Variants in ZBTB17 observed in about 807,000 individuals in gnomAD.
ZBTB17 encodes the protein zinc finger and BTB domain containing 17.
Under a neutral mutation model 85.1 loss-of-function variants are expected in ZBTB17, and 24 were observed. The observed-to-expected ratio is 0.28, with a 90% CI of 0.20 to 0.40. The LOEUF is 0.40. ZBTB17 is among the 10% of genes least tolerant of loss of function. The probability of loss-of-function intolerance (pLI) is 1.00; values close to 1 mark genes in which losing one functional copy is unlikely to be tolerated. For missense variants in ZBTB17, 743 were observed against 1,105.1 expected, an observed-to-expected ratio of 0.67 and a Z score of 4.65; for synonymous variants, 464 against 460.2, an observed-to-expected ratio of 1.01 and a Z score of -0.11.
chr1:15,965,586 T>A (rs957546183), intron 2 of ZBTB17, among the ~76,000 whole-genome samples: 1 of 152,186 alleles, frequency 6.6e-6, no homozygotes, highest in Non-Finnish European at 1.5e-5. Flanking sequence ...CCAGCTGCAG[T>A]CCCTGGAGAG....
intron 3 of ZBTB17, chr1:15,948,050 G>A: frequency 1.7e-6 from 1 of 586,194 alleles, no homozygotes; most frequent in Admixed American, 2.7e-5. Context: ...GTTCACTGCG[G>A]CCTAGAGCTC....
At chr1:15,971,297 TG>T (rs2148816653) in intron 2 of ZBTB17, among the ~76,000 whole-genome samples, 1 of 150,342 alleles carries the variant, frequency 6.7e-6, no homozygotes, top group South Asian at 2.1e-4. Context: ...GGTGGGTGGG[TG>T]GGGGAAATCT....
At chr1:15,975,432 G>A (rs1027976183) in intron 1 of ZBTB17, among the ~76,000 whole-genome samples, 3 of 152,170 alleles carry the variant, frequency 2.0e-5, no homozygotes, top group Non-Finnish European at 4.4e-5. Context: ...GATCGAGTCC[G>A]CCCGCATCAC....
Position 15,953,961 on chromosome 1 carries a change from T to C in ZBTB17, c.-2-5464A>G, listed in dbSNP as rs559716519. The stretch of plus-strand genomic sequence containing the variant: ...AAGTCTTTATCAGATGGTTTCTATA[T>C]ACCCCTTTGCACTGGGCACATGGGG... On this transcript the variant is annotated intron_variant, in intron 2 of 15. Coordinates refer to ENST00000375743, the MANE Select transcript of ZBTB17 (RefSeq NM_003443.3). The surrounding 1 kb of genome is among the most constrained non-coding windows in gnomAD (Gnocchi z 5.1). 3.9e-5 allele frequency among the ~76,000 whole-genome samples: 6 copies of C among 152,346 alleles called. No homozygotes were observed. The South Asian group carries it at 8.3e-4, about 21-fold the overall frequency.
chr1:15,951,597 G>A lies in ZBTB17; in HGVS notation c.-2-3100C>T, dbSNP rs2071844697. Among the ~76,000 whole-genome samples the A allele has an allele frequency of 6.6e-6, 1 of 152,140 alleles. No individual in the cohort carries two copies. The highest frequency in any genetic ancestry group is 2.4e-5 in the African/African-American group (1 of 41,432). On this transcript the variant is annotated intron_variant, in intron 2 of 15. Transcript: ENST00000375743. The surrounding 1 kb of genome is among the most constrained non-coding windows in gnomAD (Gnocchi z 4.1). The stretch of plus-strand genomic sequence containing the variant: ...TTTAACAGCCCCTCTCTCAAGGCCC[G>A]TGGCGAGACGGAGGCATGGCCGGCT...
chr1:15,943,387 A>G lies in ZBTB17; in HGVS notation c.1697+12T>C. ...GGTGTCTGGCCAGTGGGTGTGGGGGAGGGGGCAGGACCTCTTGCCGCAGCG... is the reference window on the plus strand; with the variant it reads ...GGTGTCTGGCCAGTGGGTGTGGGGGGGGGGGCAGGACCTCTTGCCGCAGCG... On this transcript the variant is annotated intron_variant, in intron 12 of 15. Coordinates refer to ENST00000375743, the MANE Select transcript of ZBTB17 (RefSeq NM_003443.3). The G allele has an allele frequency of 1.3e-6, 2 of 1,584,794 alleles. No homozygotes were observed. The highest frequency in any genetic ancestry group is 8.6e-7 in the Non-Finnish European group (1 of 1,164,274).
At chr1:15,949,598 G>C (rs111821603) in intron 2 of ZBTB17, among the ~76,000 whole-genome samples, 1 of 152,306 alleles carries the variant, frequency 6.6e-6, no homozygotes, top group East Asian at 1.9e-4. Context: ...CTGGCTCCCC[G>C]GCTTCTGGGC....
In ZBTB17 at chr1:15,942,682, G is replaced by A. The variant is rs764797017; in HGVS notation, c.1885C>T (p.Leu629=). The A allele has an allele frequency of 1.4e-5, 22 of 1,613,726 alleles. No individual in the cohort carries two copies. The highest frequency in any genetic ancestry group is 1.9e-5 in the Non-Finnish European group (22 of 1,180,038). ...TGCACGGTCTTCACGTGGGAGCGCA[G>A]GTTGTCTACCCGGTTGAAGCCACGC... ...CGRGFNRVDN[L]RSHVKTVHQG... Residue 629 remains leucine (L), a synonymous_variant, in exon 14 of 16, where the codon CTG becomes TTG. Transcript: ENST00000375743.
Position 15,964,456 on chromosome 1 carries a change from G to A in ZBTB17, c.-3+8583C>T, listed in dbSNP as rs1262775453. Among the ~76,000 whole-genome samples, 1 of 152,210 alleles carries A rather than the reference G, an allele frequency of 6.6e-6. No individual in the cohort carries two copies. Among genetic ancestry groups the A allele is most frequent in the African/African-American group, 2.4e-5 (1 of 41,446 alleles). ...AATGGGGCCAGGCAAGATGGCTCAC[G>A]CCTGTAATCCCAACACGTTGGGAGG... is the stretch of plus-strand genomic sequence containing the variant. On this transcript the variant is annotated intron_variant, in intron 2 of 15. Coordinates refer to ENST00000375743, the MANE Select transcript of ZBTB17 (RefSeq NM_003443.3). This position sits in a 1 kb window ranked among gnomAD's most constrained non-coding sequence, Gnocchi z 4.3.
At chr1:15,969,219 T>C (rs562294529) in intron 2 of ZBTB17, among the ~76,000 whole-genome samples, 1 of 152,304 alleles carries the variant, frequency 6.6e-6, no homozygotes, top group African/African-American at 2.4e-5. Context: ...CTGTCTTCCA[T>C]CAACCCCAGA....
intron 2 of ZBTB17, among the ~76,000 whole-genome samples, chr1:15,958,918 C>G (rs2072150266): frequency 6.6e-6 from 1 of 152,156 alleles, no homozygotes; most frequent in Non-Finnish European, 1.5e-5. Context: ...GGGCTGGGAC[C>G]ACCACACCAG....
chr1:15,969,869 T>G (rs2072581435), intron 2 of ZBTB17: 1 of 595,570 alleles, frequency 1.7e-6, no homozygotes, highest in Admixed American at 2.2e-5. Flanking sequence ...TCATTGACTG[T>G]AAAATTCCCC....
intron 4 of ZBTB17, 84 bp downstream of exon 4, chr1:15,946,851 G>C: frequency 6.8e-7 from 1 of 1,478,166 alleles, no homozygotes; most frequent in Non-Finnish European, 9.1e-7. Flanking sequence ...TGAGGAAACT[G>C]AGACCCAGAA....
chr1:15,942,308 C>G (rs747648046), intron 15 of ZBTB17, 23 bp downstream of exon 15: 5 of 1,613,888 alleles, frequency 3.1e-6, no homozygotes, highest in Non-Finnish European at 4.2e-6. Flanking sequence ...TGCCCACATT[C>G]ACACCCGGGT....
chr1:15,951,092 CG>C lies in ZBTB17; in HGVS notation c.-2-2596del, dbSNP rs1468485025. Among the ~76,000 whole-genome samples, 17 of 152,222 alleles carry C rather than the reference CG, an allele frequency of 1.1e-4. No individual in the cohort carries two copies. The highest frequency in any genetic ancestry group is 2.4e-4 in the Non-Finnish European group (16 of 68,032). On this transcript the variant is annotated intron_variant, in intron 2 of 15. Transcript: ENST00000375743. The surrounding 1 kb of genome is among the most constrained non-coding windows in gnomAD (Gnocchi z 4.1). The stretch of plus-strand genomic sequence containing the variant: ...TGTGCCCATGAGCAACATTTTCCAC[CG>C]TGCTGACTGCACTTTTCCAATGCAA...
chr1:15,951,870 C>T lies in ZBTB17; in HGVS notation c.-2-3373G>A, dbSNP rs895805761. ...TGCTAGGAGGTGCTGTCTGGGGAGA[C>T]GTTAACCACAGTAATCAGATCAACA... On this transcript the variant is annotated intron_variant, in intron 2 of 15. Transcript: ENST00000375743. This position sits in a 1 kb window ranked among gnomAD's most constrained non-coding sequence, Gnocchi z 4.1. Among the ~76,000 whole-genome samples the T allele has an allele frequency of 6.6e-6, 1 of 151,998 alleles. No individual in the cohort carries two copies. The highest frequency in any genetic ancestry group is 2.4e-5 in the African/African-American group (1 of 41,350).
At position 15,966,020 on chromosome 1, in the gene ZBTB17, ACACT is replaced by A. The variant is rs1475759560; in HGVS notation, c.-3+7015_-3+7018del. Among the ~76,000 whole-genome samples, 1 of 152,228 alleles carries A rather than the reference ACACT, an allele frequency of 6.6e-6. No individual in the cohort carries two copies. The highest frequency in any genetic ancestry group is 1.5e-5 in the Non-Finnish European group (1 of 68,048). Reference sequence around the variant, plus strand: ...GATGTTTCTTGTATCCTTATTCTTTACACTGAACACATTCTTTTGTATGGAGTCA... The same window carrying A: ...GATGTTTCTTGTATCCTTATTCTTTAGAACACATTCTTTTGTATGGAGTCA... On this transcript the variant is annotated intron_variant, in intron 2 of 15. Transcript: ENST00000375743. The surrounding 1 kb of genome is among the most constrained non-coding windows in gnomAD (Gnocchi z 4.1).
intron 2 of ZBTB17, among the ~76,000 whole-genome samples, chr1:15,968,381 C>T (rs1312894864): frequency 6.6e-6 from 1 of 152,214 alleles, no homozygotes; most frequent in East Asian, 1.9e-4. Flanking sequence ...ACAAGCTACA[C>T]AGTGGCAGTA....
At chr1:15,961,751 G>A (rs1178106360) in intron 2 of ZBTB17, among the ~76,000 whole-genome samples, 1 of 152,200 alleles carries the variant, frequency 6.6e-6, no homozygotes, top group Non-Finnish European at 1.5e-5. Flanking sequence ...AGAGAAACCT[G>A]GAGACCACCC....
Sources: allele counts gnomAD v4.1 joint callset (sites outside exome capture counted in the v4.1 genomes callset), GRCh38; gene constraint gnomAD v4.1.1; non-coding constraint Gnocchi (gnomAD v3.1); transcripts MANE v1.5; gene names NCBI Gene and HGNC (gene_info 2026-07-23, HGNC 2026-07-21).